The following MYLK4 variants were observed in gnomAD, a reference collection of about 807,000 sequenced individuals.
The protein encoded by MYLK4 is caMLCK like.
MYLK4 carries 46 observed loss-of-function variants against 48.1 expected under a neutral mutation model. The observed-to-expected ratio is 0.96, with a 90% CI of 0.75 to 1.22. The LOEUF (loss-of-function observed/expected upper bound fraction) is 1.22, where lower values mean the gene tolerates loss of function less well. MYLK4 is among the 50% of genes most tolerant of loss of function. The probability of loss-of-function intolerance (pLI) is 0.00; values close to 1 mark genes in which losing one functional copy is unlikely to be tolerated. For missense variants in MYLK4, 451 were observed against 486.1 expected, an observed-to-expected ratio of 0.93 and a Z score of 0.68; for synonymous variants, 170 against 180.8, an observed-to-expected ratio of 0.94 and a Z score of 0.48.
rs374236301 is a variant in MYLK4 at position 2,692,806 on chromosome 6, G to T, written c.213C>A (p.Ser71Arg). Residue 71 changes from serine to arginine, a missense_variant, in exon 3 of 13, where the codon AGC becomes AGA. Physicochemically the swap from Ser to Arg is moderately radical, Grantham distance 110. Transcript: ENST00000274643. ...ADLTERMPVKSKRTSALAVDI... is the reference protein window; with the variant it reads ...ADLTERMPVKRKRTSALAVDI... ...TACCTGCGAGGGCTGATGTCCTTTT[G>T]CTTTTGACGGGCATCCTTTCCGTCA... 23 of 1,613,776 alleles carry T rather than the reference G, an allele frequency of 1.4e-5. No homozygotes were observed. The highest frequency in any genetic ancestry group is 1.2e-4 in the African/African-American group (9 of 75,020).
rs781728937 is a variant in MYLK4 at position 2,679,296 on chromosome 6, C to A, written c.871G>T (p.Val291Phe). ...GCTACTCACAGCATATAGGCGATGACCCCCACACTCCACATGTCAGTGGGA... is the reference window on the plus strand; with the variant it reads ...GCTACTCACAGCATATAGGCGATGAACCCCACACTCCACATGTCAGTGGGA... ...SFPTDMWSVG[V>F]IAYMLLSGLS... The change falls in exon 9 of 13, where the codon GTC becomes TTC. Residue 291 changes from valine to phenylalanine, a missense_variant. Transcript: ENST00000274643. 1.9e-6 allele frequency: 3 copies of A among 1,613,956 alleles called. No homozygotes were observed. The highest frequency in any genetic ancestry group is 2.2e-5 in the South Asian group (2 of 91,084).
In MYLK4 at chr6:2,709,331, C is replaced by T. The variant is rs190398824; in HGVS notation, c.160-16472G>A. On this transcript the variant is annotated intron_variant, in intron 2 of 12. Coordinates refer to ENST00000274643, the MANE Select transcript of MYLK4 (RefSeq NM_001012418.5). ...TCAACATCTTAACACTCCATATTAGCTTGCCTTCCCGTTGTTTCAGTTTCT... is the reference window on the plus strand; with the variant it reads ...TCAACATCTTAACACTCCATATTAGTTTGCCTTCCCGTTGTTTCAGTTTCT... Among the ~76,000 whole-genome samples, 24 of 152,384 alleles carry T rather than the reference C, an allele frequency of 1.6e-4. No homozygotes were observed. The East Asian group carries it at 4.0e-3, about 26-fold the overall frequency.
chr6:2,726,079 G>T (rs576441993), intron 2 of MYLK4, among the ~76,000 whole-genome samples: 1 of 152,108 alleles, frequency 6.6e-6, no homozygotes, highest in African/African-American at 2.4e-5. Flanking sequence ...GCGCTGAGTC[G>T]TCCCTTTGTC....
chr6:2,697,630 C>T (rs1003734211), intron 2 of MYLK4, among the ~76,000 whole-genome samples: 10 of 152,180 alleles, frequency 6.6e-5, no homozygotes, highest in Admixed American at 2.0e-4. Flanking sequence ...TGAACAACAT[C>T]GTCTAATCCT....
At chr6:2,769,996 C>T in the MYLK4 span, 1 of 1,373,602 alleles carries the variant, frequency 7.3e-7, no homozygotes, top group Non-Finnish European at 1.0e-6. Flanking sequence ...TATAAGGCTG[C>T]TGCTATTCCT....
chr6:2,671,835 C>A (rs1031007282), intron 11 of MYLK4, among the ~76,000 whole-genome samples: 4 of 152,146 alleles, frequency 2.6e-5, no homozygotes, highest in Non-Finnish European at 5.9e-5. Context: ...AAAGCTGGGG[C>A]ATTTAATACA....
At chr6:2,732,247 G>A (rs1763503379) in intron 2 of MYLK4, among the ~76,000 whole-genome samples, 11 of 152,174 alleles carry the variant, frequency 7.2e-5, no homozygotes, top group Admixed American at 7.2e-4. Context: ...CTAACCTTGA[G>A]CCAGGCACAG....
intron 2 of MYLK4, among the ~76,000 whole-genome samples, chr6:2,738,015 T>A (rs1444004695): frequency 8.0e-6 from 1 of 125,212 alleles, no homozygotes; most frequent in Non-Finnish European, 1.6e-5. Context: ...TAACCCCAGA[T>A]GAGGAAATAC....
chr6:2,726,859 A>G (rs1449491390), intron 2 of MYLK4, among the ~76,000 whole-genome samples: 1 of 151,904 alleles, frequency 6.6e-6, no homozygotes, highest in Admixed American at 6.6e-5. Flanking sequence ...GTGATCCACC[A>G]CCTCAGCCTC....
At chr6:2,727,372 C>T (rs578262834) in intron 2 of MYLK4, among the ~76,000 whole-genome samples, 7 of 152,310 alleles carry the variant, frequency 4.6e-5, no homozygotes, top group South Asian at 2.1e-4. Flanking sequence ...AGGAATGCCA[C>T]GGAAAGAGCT....
At chr6:2,670,017 C>T (rs571055609) in intron 12 of MYLK4, among the ~76,000 whole-genome samples, 2 of 152,226 alleles carry the variant, frequency 1.3e-5, no homozygotes, top group South Asian at 4.2e-4. Context: ...ATAATATGTA[C>T]AATCAAAAAG....
intron 6 of MYLK4, among the ~76,000 whole-genome samples, chr6:2,684,534 C>T (rs1338928486): frequency 6.6e-6 from 1 of 152,142 alleles, no homozygotes; most frequent in Non-Finnish European, 1.5e-5. Flanking sequence ...GAATTGCAGT[C>T]GGCCCTCCCT....
At chr6:2,764,083 G>T in the MYLK4 span, among the ~76,000 whole-genome samples, 1 of 152,212 alleles carries the variant, frequency 6.6e-6, no homozygotes, top group Non-Finnish European at 1.5e-5. Context: ...CGTGAGCTGA[G>T]ATTGCGCCAT....
chr6:2,706,587 C>T (rs1490523888), intron 2 of MYLK4, among the ~76,000 whole-genome samples: 1 of 152,022 alleles, frequency 6.6e-6, no homozygotes, highest in Non-Finnish European at 1.5e-5. Flanking sequence ...TGTATTAGCA[C>T]CTGTGGTATC....
chr6:2,755,736 C>T (rs2113397249), upstream of MYLK4, among the ~76,000 whole-genome samples: 1 of 152,148 alleles, frequency 6.6e-6, no homozygotes, highest in South Asian at 2.1e-4. Context: ...ATGAGGCTTC[C>T]TAGTCTCTCT....
In MYLK4 at chr6:2,685,341, TA is replaced by T. The variant is rs750776356; in HGVS notation, c.499del (p.Tyr167ThrfsTer33). ...QLDHANLIQL[Y>X]DAFESKNDIV... ...GTCGTTCTTAGACTCGAAGGCATCGTACAGCTGGATGAGGTTCGCGTGGTCC... is the reference window on the plus strand; with the variant it reads ...GTCGTTCTTAGACTCGAAGGCATCGTCAGCTGGATGAGGTTCGCGTGGTCC... On this transcript the variant is annotated frameshift_variant, in exon 6 of 13. Coordinates refer to ENST00000274643, the MANE Select transcript of MYLK4 (RefSeq NM_001012418.5). LOFTEE classifies it high-confidence loss of function. The surrounding 1 kb of genome is among the most constrained non-coding windows in gnomAD (Gnocchi z 4.5). The T allele has an allele frequency of 6.2e-7, 1 of 1,613,602 alleles. No individual in the cohort carries two copies. The highest frequency in any genetic ancestry group is 8.5e-7 in the Non-Finnish European group (1 of 1,179,812).
Position 2,692,862 on chromosome 6 carries a change from G to A in MYLK4, c.160-3C>T. On this transcript the variant is annotated splice_region_variant and splice_polypyrimidine_tract_variant and intron_variant, in intron 2 of 12. Coordinates refer to ENST00000274643, the MANE Select transcript of MYLK4 (RefSeq NM_001012418.5). Reference sequence around the variant, plus strand: ...GCGTTTGACCACACCTCCTTCGCCTGTGGAGGCACAATTGAGTAATTGAAG... The same window carrying A: ...GCGTTTGACCACACCTCCTTCGCCTATGGAGGCACAATTGAGTAATTGAAG... The A allele has an allele frequency of 6.2e-7, 1 of 1,612,008 alleles. No individual in the cohort carries two copies. The highest frequency in any genetic ancestry group is 1.1e-5 in the South Asian group (1 of 90,590).
intron 2 of MYLK4, among the ~76,000 whole-genome samples, chr6:2,718,532 A>C (rs1762950909): frequency 6.6e-6 from 1 of 152,234 alleles, no homozygotes; most frequent in African/African-American, 2.4e-5. Context: ...GCTGCAGGAA[A>C]AGCAGATATG....
At chr6:2,675,859 G>A (rs1332143646) in intron 10 of MYLK4, among the ~76,000 whole-genome samples, 2 of 152,130 alleles carry the variant, frequency 1.3e-5, no homozygotes, top group Non-Finnish European at 2.9e-5. Context: ...TTGGGAGGCC[G>A]AGGCGGGTGG....
Sources: allele counts gnomAD v4.1 joint callset (sites outside exome capture counted in the v4.1 genomes callset), GRCh38; gene constraint gnomAD v4.1.1; non-coding constraint Gnocchi (gnomAD v3.1); transcripts MANE v1.5; gene names NCBI Gene and HGNC (gene_info 2026-07-23, HGNC 2026-07-21).